The following AGTPBP1 variants were observed in gnomAD, a reference collection of about 807,000 sequenced individuals.
AGTPBP1 encodes ATP/GTP binding carboxypeptidase 1.
Under a neutral mutation model 143.9 loss-of-function variants are expected in AGTPBP1, and 70 were observed. That is an observed-to-expected ratio of 0.49 (90% confidence interval 0.40 to 0.59). AGTPBP1 has a LOEUF of 0.59. Among genes scored for constraint, AGTPBP1 ranks in the 20% least tolerant of loss-of-function variants. The pLI, the probability that AGTPBP1 is intolerant of heterozygous loss-of-function variation, is 0.00. For missense variants in AGTPBP1, 1,229 were observed against 1,464.5 expected (o/e 0.84, Z 2.62); for synonymous variants, 463 against 500.2 (o/e 0.93, Z 0.99).
intron 1 of AGTPBP1, among the ~76,000 whole-genome samples, chr9:85,718,145 G>T (rs1837842602): frequency 1.3e-5 from 2 of 152,184 alleles, no homozygotes; most frequent in Non-Finnish European, 2.9e-5. Flanking sequence ...ACATACGTAT[G>T]CATGTGTCTT....
the AGTPBP1 span, among the ~76,000 whole-genome samples, chr9:85,783,181 G>C: frequency 6.6e-6 from 1 of 152,186 alleles, no homozygotes; most frequent in Non-Finnish European, 1.5e-5. Context: ...TAATCTTGGA[G>C]AGGTGTAAAA....
the AGTPBP1 span, chr9:85,786,580 G>C: frequency 6.2e-7 from 1 of 1,612,284 alleles, no homozygotes; most frequent in East Asian, 2.2e-5. Context: ...TAAAAACTTA[G>C]ACATTGAATA....
chr9:85,797,130 T>G, the AGTPBP1 span, among the ~76,000 whole-genome samples: 1 of 151,970 alleles, frequency 6.6e-6, no homozygotes, highest in Non-Finnish European at 1.5e-5. Context: ...CTCTCTCTCT[T>G]TTTTCTGAGA....
At chr9:85,742,088 T>C (rs898333338), upstream of AGTPBP1, 2 of 1,031,368 alleles carry the variant, frequency 1.9e-6, no homozygotes, top group Non-Finnish European at 2.4e-6. Context: ...CACGCCCTCT[T>C]CCCGCCGCGT....
chr9:85,608,861 G>A (rs575034466), intron 17 of AGTPBP1, among the ~76,000 whole-genome samples: 9 of 152,018 alleles, frequency 5.9e-5, no homozygotes, highest in Non-Finnish European at 8.8e-5. Flanking sequence ...CCACGCAGGA[G>A]GATGGAAGGA....
chr9:85,591,483 G>A (rs1012027543), intron 19 of AGTPBP1, among the ~76,000 whole-genome samples: 1 of 152,016 alleles, frequency 6.6e-6, no homozygotes, highest in Admixed American at 6.6e-5. Flanking sequence ...GGGATTGAAA[G>A]AAAGCAGGAG....
At chr9:85,691,102 A>G (rs1473539522) in intron 3 of AGTPBP1, among the ~76,000 whole-genome samples, 1 of 152,196 alleles carries the variant, frequency 6.6e-6, no homozygotes, top group Non-Finnish European at 1.5e-5. Flanking sequence ...TATACCTGGC[A>G]CATTTAATTT....
intron 1 of AGTPBP1, among the ~76,000 whole-genome samples, chr9:85,724,460 GTT>G (rs1217344943): frequency 6.6e-6 from 1 of 152,046 alleles, no homozygotes; most frequent in African/African-American, 2.4e-5. Context: ...AGAACAATCA[GTT>G]TATTTCTATA....
At chr9:85,747,432 A>T in the AGTPBP1 span, among the ~76,000 whole-genome samples, 1 of 152,192 alleles carries the variant, frequency 6.6e-6, no homozygotes, top group South Asian at 2.1e-4. Context: ...AATTTTGATA[A>T]GGATTGTTGA....
intron 2 of AGTPBP1, among the ~76,000 whole-genome samples, chr9:85,706,888 T>C (rs1336661507): frequency 6.6e-6 from 1 of 150,478 alleles, no homozygotes; most frequent in African/African-American, 2.5e-5. Context: ...AATAAATAAA[T>C]AAATAGGATC....
intron 2 of AGTPBP1, among the ~76,000 whole-genome samples, chr9:85,703,870 A>G (rs1836821638): frequency 6.6e-6 from 1 of 152,250 alleles, no homozygotes; most frequent in Non-Finnish European, 1.5e-5. Context: ...AAGTCCCATA[A>G]GTAGGTTTAG....
chr9:85,728,263 AAAT>A (rs1268487768), intron 1 of AGTPBP1, among the ~76,000 whole-genome samples: 1 of 152,198 alleles, frequency 6.6e-6, no homozygotes, highest in Non-Finnish European at 1.5e-5. Flanking sequence ...TTTTCTTTTC[AAAT>A]AAATGTAAGA....
At chr9:85,559,562 C>T (rs1826568962) in intron 25 of AGTPBP1, among the ~76,000 whole-genome samples, 1 of 151,678 alleles carries the variant, frequency 6.6e-6, no homozygotes, top group Non-Finnish European at 1.5e-5. Context: ...TTCCAGGCAG[C>T]AGTTTCACAT....
the AGTPBP1 span, among the ~76,000 whole-genome samples, chr9:85,761,480 A>G: frequency 6.6e-6 from 1 of 152,036 alleles, no homozygotes; most frequent in Admixed American, 6.6e-5. Flanking sequence ...CACATCTACA[A>G]CTCTCTGATC....
chr9:85,754,187 G>A, the AGTPBP1 span, among the ~76,000 whole-genome samples: 2 of 152,074 alleles, frequency 1.3e-5, no homozygotes, highest in African/African-American at 4.8e-5. Flanking sequence ...ATCTCATGAA[G>A]ACGAGTATAT....
At chr9:85,742,099 C>G, upstream of AGTPBP1, 1 of 1,038,508 alleles carries the variant, frequency 9.6e-7, no homozygotes, top group Admixed American at 4.8e-5. Flanking sequence ...CCCGCCGCGT[C>G]CCTTGTTACC....
At chr9:85,635,712 C>T (rs1374210786) in intron 13 of AGTPBP1, among the ~76,000 whole-genome samples, 1 of 151,420 alleles carries the variant, frequency 6.6e-6, no homozygotes, top group Admixed American at 6.6e-5. Flanking sequence ...ATCTCAAAGG[C>T]GATGAAGGAC....
the AGTPBP1 span, among the ~76,000 whole-genome samples, chr9:85,749,070 G>A: frequency 3.5e-5 from 5 of 141,814 alleles, no homozygotes; most frequent in Admixed American, 7.5e-5. Context: ...TGGTGTGATC[G>A]TGGCTCACTG....
At chr9:85,741,411 C>T in intron 1 of AGTPBP1, 1 of 985,316 alleles carries the variant, frequency 1.0e-6, no homozygotes, top group Non-Finnish European at 1.2e-6. Context: ...GCTGGACTCC[C>T]CGCGGCGCCG....
Sources: allele counts gnomAD v4.1 joint callset (sites outside exome capture counted in the v4.1 genomes callset), GRCh38; gene constraint gnomAD v4.1.1; transcripts MANE v1.5; gene names NCBI Gene and HGNC (gene_info 2026-07-23, HGNC 2026-07-21).